Variants in PARPBP observed in about 807,000 individuals in gnomAD.
PARPBP encodes PCNA-interacting partner.
In PARPBP, 52 loss-of-function variants were observed where a neutral mutation model predicts 50.0. The ratio of observed to expected loss-of-function variants is 1.04; its 90% CI spans 0.83 to 1.31. PARPBP has a LOEUF of 1.31. PARPBP is among the 50% of genes most tolerant of loss of function. The pLI, the probability that PARPBP is intolerant of heterozygous loss-of-function variation, is 0.00. For missense variants in PARPBP, 697 were observed against 672.0 expected (o/e 1.04, Z -0.41); for synonymous variants, 244 against 232.1 (o/e 1.05, Z -0.47).
intron 9 of PARPBP, among the ~76,000 whole-genome samples, chr12:102,191,096 A>G (rs1890748340): frequency 6.6e-6 from 1 of 152,146 alleles, no homozygotes; most frequent in Non-Finnish European, 1.5e-5. Flanking sequence ...TTTATACTGG[A>G]TATTTTATAT....
intron 5 of PARPBP, 21 bp from the exon 6 acceptor site, chr12:102,165,708 T>C (rs778043149): frequency 1.3e-6 from 2 of 1,576,348 alleles, no homozygotes; most frequent in South Asian, 2.3e-5. Flanking sequence ...ACATAACTTA[T>C]CCGTTTGTTT....
intron 6 of PARPBP, among the ~76,000 whole-genome samples, chr12:102,175,164 C>G (rs1175847965): frequency 6.6e-6 from 1 of 152,096 alleles, no homozygotes; most frequent in African/African-American, 2.4e-5. Context: ...TTAGTTGTAT[C>G]TAAAGGTATA....
In PARPBP at chr12:102,172,958, T is replaced by A. The variant is rs557110730; in HGVS notation, c.822-2525T>A. On this transcript the variant is annotated intron_variant, in intron 6 of 10. Coordinates refer to ENST00000327680, the MANE Select transcript of PARPBP (RefSeq NM_017915.5). Reference sequence around the variant, plus strand: ...TATATGTGAAAGAATTCCTAGGGTCTACTCAGACTTCTGATTACAGAAGTA... The same window carrying A: ...TATATGTGAAAGAATTCCTAGGGTCAACTCAGACTTCTGATTACAGAAGTA... Among the ~76,000 whole-genome samples the A allele has an allele frequency of 4.1e-4, 63 of 152,354 alleles. No homozygotes were observed. The South Asian group carries it at 9.5e-3, about 23-fold the overall frequency.
At chr12:102,175,248 A>G (rs1024984907) in intron 6 of PARPBP, among the ~76,000 whole-genome samples, 3 of 152,228 alleles carry the variant, frequency 2.0e-5, no homozygotes, top group Non-Finnish European at 4.4e-5. Flanking sequence ...ATTATTTCCC[A>G]TCAGCTTTCA....
At position 102,182,642 on chromosome 12, in the gene PARPBP, A is replaced by G; in HGVS notation, c.1263+15A>G. 6.5e-7 allele frequency: 1 copy of G among 1,529,004 alleles called. No homozygotes were observed. The highest frequency in any genetic ancestry group is 9.0e-7 in the Non-Finnish European group (1 of 1,105,004). The allele number at this position is 1,529,004 out of a possible 1,614,324, so 94.7% of individuals were successfully genotyped here. Reference sequence around the variant, plus strand: ...AAAAAATTAAGGTACAATTTAATGCATGCCATGAAAATAGCAAACACTGTT... The same window carrying G: ...AAAAAATTAAGGTACAATTTAATGCGTGCCATGAAAATAGCAAACACTGTT... On this transcript the variant is annotated intron_variant, in intron 9 of 10. Transcript: ENST00000327680.
intron 2 of PARPBP, 39 bp from the exon 3 acceptor site, chr12:102,148,191 C>A: frequency 1.2e-6 from 1 of 848,978 alleles, no homozygotes; most frequent in East Asian, 2.7e-5. Flanking sequence ...TTCTGGTACC[C>A]AACTTTATTT....
At chr12:102,165,692 C>T in intron 5 of PARPBP, 37 bp from the exon 6 acceptor site, 1 of 1,505,552 alleles carries the variant, frequency 6.6e-7, no homozygotes, top group East Asian at 2.3e-5. Context: ...TTTAATAAAT[C>T]ACTGGACATA....
At chr12:102,150,030 C>G (rs761682356) in intron 3 of PARPBP, among the ~76,000 whole-genome samples, 1 of 152,030 alleles carries the variant, frequency 6.6e-6, no homozygotes, top group Non-Finnish European at 1.5e-5. Context: ...CTATTCCTCG[C>G]CCTTGTCTAA....
chr12:102,153,387 C>T (rs1302717522), intron 3 of PARPBP, among the ~76,000 whole-genome samples: 1 of 152,182 alleles, frequency 6.6e-6, no homozygotes, highest in African/African-American at 2.4e-5. Context: ...ACTCTGGCGC[C>T]CAGGTTGGAG....
chr12:102,147,569 G>C (rs1319265749), intron 2 of PARPBP, among the ~76,000 whole-genome samples: 1 of 120,302 alleles, frequency 8.3e-6, no homozygotes, highest in African/African-American at 3.1e-5. Context: ...CTCTTGTGGG[G>C]TGGGGGGAGG....
chr12:102,176,880 T>C (rs1012807743), intron 7 of PARPBP, among the ~76,000 whole-genome samples: 4 of 152,334 alleles, frequency 2.6e-5, no homozygotes, highest in Middle Eastern at 3.4e-3. Context: ...TGTTAACACT[T>C]CCTGGTGAAT....
At chr12:102,180,369 T>C (rs1258793067) in intron 8 of PARPBP, among the ~76,000 whole-genome samples, 2 of 152,190 alleles carry the variant, frequency 1.3e-5, no homozygotes, top group Admixed American at 1.3e-4. Context: ...TCATGAAATT[T>C]TTATTCTAAC....
chr12:102,139,243 T>C (rs1368208269), intron 2 of PARPBP, among the ~76,000 whole-genome samples: 1 of 152,300 alleles, frequency 6.6e-6, no homozygotes, highest in Middle Eastern at 3.4e-3. Flanking sequence ...TTATTCTCTT[T>C]GTAGCAATTG....
chr12:102,151,400 G>A (rs1011744946), intron 3 of PARPBP, among the ~76,000 whole-genome samples: 2 of 152,182 alleles, frequency 1.3e-5, no homozygotes, highest in African/African-American at 4.8e-5. Flanking sequence ...ACTTCTTTGT[G>A]ATGAGAAGGC....
At position 102,124,025 on chromosome 12, in the gene PARPBP, C is replaced by A; in HGVS notation, c.137C>A (p.Ala46Glu). 6.5e-7 allele frequency: 1 copy of A among 1,534,536 alleles called. No individual in the cohort carries two copies. Among genetic ancestry groups the A allele is most frequent in the South Asian group, 1.2e-5 (1 of 83,886 alleles). The change falls in exon 2 of 11, where the codon GCG (alanine) becomes GAG (glutamate). Residue 46 changes from alanine (A) to glutamate (E), a missense_variant. Ala to Glu is a moderately radical substitution (Grantham distance 107). Coordinates refer to ENST00000327680, the MANE Select transcript of PARPBP (RefSeq NM_017915.5). ...CTCTTGGCATTGCAGCTTTCTATGG[C>A]GGAGAACAACAAACAGGTTGGTAAA... is the stretch of plus-strand genomic sequence containing the variant. ...SMLLALQLSMAENNKQHSGEF... is the reference protein window; with the variant it reads ...SMLLALQLSMEENNKQHSGEF...
intron 3 of PARPBP, chr12:102,150,466 GA>G: frequency 3.0e-6 from 1 of 338,670 alleles, no homozygotes; most frequent in South Asian, 2.2e-5. Flanking sequence ...TGTTGTAGCT[GA>G]AATAAGGTAG....
At chr12:102,144,782 A>G (rs141550722) in intron 2 of PARPBP, among the ~76,000 whole-genome samples, 2 of 152,278 alleles carry the variant, frequency 1.3e-5, no homozygotes, top group African/African-American at 4.8e-5. Context: ...TTTAATTTAC[A>G]TAGCATTTGG....
chr12:102,185,306 T>C (rs1363814583), intron 9 of PARPBP, among the ~76,000 whole-genome samples: 1 of 152,220 alleles, frequency 6.6e-6, no homozygotes, highest in Non-Finnish European at 1.5e-5. Context: ...TTTTGTCCGT[T>C]ATTCTGTTGA....
At chr12:102,174,214 A>G (rs915270292) in intron 6 of PARPBP, among the ~76,000 whole-genome samples, 4 of 151,940 alleles carry the variant, frequency 2.6e-5, no homozygotes, top group African/African-American at 9.7e-5. Flanking sequence ...ACACAATGCA[A>G]ACATTTAGTG....
Sources: gnomAD v4.1 joint callset for allele counts (sites outside exome capture counted in the v4.1 genomes callset) on GRCh38, gnomAD v4.1.1 for gene constraint, MANE v1.5 for transcripts, NCBI Gene and HGNC (gene_info 2026-07-23, HGNC 2026-07-21) for gene names.